Variants in SORCS2 observed in about 807,000 individuals in gnomAD.
SORCS2 encodes sortilin related VPS10 domain containing receptor 2.
SORCS2 carries 100 observed loss-of-function variants against 141.6 expected under a neutral mutation model. The observed-to-expected ratio is 0.71, with a 90% CI of 0.60 to 0.83. The LOEUF (loss-of-function observed/expected upper bound fraction) is 0.83, where lower values mean the gene tolerates loss of function less well. Among genes scored for constraint, SORCS2 ranks in the 40% least tolerant of loss-of-function variants. SORCS2 has a pLI of 0.00. For missense variants in SORCS2, 1,646 were observed against 1,560.2 expected (o/e 1.05, Z -0.93); for synonymous variants, 789 against 676.9 (o/e 1.17, Z -2.57).
At chr4:7,666,641 G>T (rs1722520711) in intron 7 of SORCS2, among the ~76,000 whole-genome samples, 1 of 152,176 alleles carries the variant, frequency 6.6e-6, no homozygotes, top group Non-Finnish European at 1.5e-5. Flanking sequence ...CCACAGTCCT[G>T]TCCTGACGGG....
intron 1 of SORCS2, among the ~76,000 whole-genome samples, chr4:7,222,688 G>C (rs940895496): frequency 5.3e-5 from 8 of 152,152 alleles, no homozygotes; most frequent in African/African-American, 1.9e-4. Flanking sequence ...GGGAGGCCAC[G>C]TGCTGTGGTC....
At chr4:7,739,553 G>A (rs1007594398) in intron 26 of SORCS2, among the ~76,000 whole-genome samples, 8 of 152,176 alleles carry the variant, frequency 5.3e-5, no homozygotes, top group Admixed American at 3.9e-4. Context: ...TCCTTTGAGG[G>A]GTGCGGTTGA....
At chr4:7,240,732 G>T (rs1712636885) in intron 1 of SORCS2, among the ~76,000 whole-genome samples, 2 of 152,148 alleles carry the variant, frequency 1.3e-5, no homozygotes, top group South Asian at 4.1e-4. Flanking sequence ...ACCTCCCCCT[G>T]AAGGGGCAGT....
At chr4:7,534,606 G>T (rs1238123798) in intron 3 of SORCS2, among the ~76,000 whole-genome samples, 2 of 152,350 alleles carry the variant, frequency 1.3e-5, no homozygotes, top group South Asian at 2.1e-4. Context: ...GTCATCACAG[G>T]GTCCTTGTGG....
At chr4:7,456,127 T>C (rs1423433229) in intron 2 of SORCS2, among the ~76,000 whole-genome samples, 1 of 152,086 alleles carries the variant, frequency 6.6e-6, no homozygotes, top group African/African-American at 2.4e-5. Flanking sequence ...GATCTCCTCT[T>C]CTTATAAGGA....
At chr4:7,481,431 G>A (rs1191149407) in intron 2 of SORCS2, among the ~76,000 whole-genome samples, 5 of 152,194 alleles carry the variant, frequency 3.3e-5, no homozygotes, top group South Asian at 2.1e-4. Context: ...GCCTCTAGGC[G>A]GAGGTCGGCC....
At chr4:7,634,340 T>A (rs1720093877) in intron 3 of SORCS2, among the ~76,000 whole-genome samples, 2 of 149,272 alleles carry the variant, frequency 1.3e-5, no homozygotes, top group Non-Finnish European at 3.0e-5. Flanking sequence ...GCCGCTGCAC[T>A]CCAGCCTGAA....
At chr4:7,447,210 G>C (rs1577577362) in intron 2 of SORCS2, among the ~76,000 whole-genome samples, 1 of 152,212 alleles carries the variant, frequency 6.6e-6, no homozygotes, top group Admixed American at 6.5e-5. Context: ...ACTCCCTGCA[G>C]GGAGGTTACT....
At chr4:7,315,216 C>A (rs978801890) in intron 1 of SORCS2, among the ~76,000 whole-genome samples, 2 of 152,202 alleles carry the variant, frequency 1.3e-5, no homozygotes, top group Non-Finnish European at 2.9e-5. Context: ...TCCAAACCAG[C>A]CTCTGCAGCC....
intron 4 of SORCS2, among the ~76,000 whole-genome samples, chr4:7,653,167 G>A (rs1430104257): frequency 1.3e-5 from 2 of 152,228 alleles, no homozygotes; most frequent in East Asian, 1.9e-4. Flanking sequence ...GCACAGGGCT[G>A]GAGAGGGAGC....
intron 8 of SORCS2, 123 bp downstream of exon 8, chr4:7,667,336 T>G: frequency 1.2e-6 from 1 of 848,184 alleles, no homozygotes; most frequent in Non-Finnish European, 1.9e-6. Flanking sequence ...AAGAACAGTG[T>G]GGCCACGCTT....
chr4:7,219,112 CTGCT>C (rs1238755172), intron 1 of SORCS2, among the ~76,000 whole-genome samples: 1 of 151,896 alleles, frequency 6.6e-6, no homozygotes, highest in African/African-American at 2.4e-5. Context: ...CCTATGCCTC[CTGCT>C]TGTTTCCTTA....
intron 3 of SORCS2, among the ~76,000 whole-genome samples, chr4:7,606,195 C>G (rs548907718): frequency 6.6e-6 from 1 of 152,266 alleles, no homozygotes; most frequent in Non-Finnish European, 1.5e-5. Flanking sequence ...CCTGACAACT[C>G]TTTGAAGGTG....
chr4:7,514,353 A>C (rs1226946800), intron 2 of SORCS2, among the ~76,000 whole-genome samples: 2 of 152,122 alleles, frequency 1.3e-5, no homozygotes, highest in African/African-American at 4.8e-5. Flanking sequence ...GGGCGGGAAG[A>C]GGCTGCTGCT....
At position 7,543,719 on chromosome 4, in the gene SORCS2, C is replaced by CCAT. The variant is rs1712938069; in HGVS notation, c.648+12091_648+12092insATC. 1.3e-3 allele frequency among the ~76,000 whole-genome samples: 6 copies of CCAT among 4,742 alleles called. No individual in the cohort carries two copies. In the East Asian group the frequency reaches 0.071, roughly 56 times the overall value. The allele number at this position is 4,742 out of a possible 152,430, so 3.1% of individuals were successfully genotyped here. On this transcript the variant is annotated intron_variant, in intron 3 of 26. Coordinates refer to ENST00000507866, the MANE Select transcript of SORCS2 (RefSeq NM_020777.3). ...ACCCATCCATCCATCCACCCATCCA[C>CCAT]CCATCCACCCATCCACCCATCCACC...
chr4:7,361,989 C>T (rs1721611749), intron 1 of SORCS2, among the ~76,000 whole-genome samples: 2 of 152,060 alleles, frequency 1.3e-5, no homozygotes, highest in Admixed American at 1.3e-4. Flanking sequence ...AGTCTATTCT[C>T]ATGTTTGAGA....
At chr4:7,195,046 G>T (rs1384572824) in intron 1 of SORCS2, among the ~76,000 whole-genome samples, 2 of 152,110 alleles carry the variant, frequency 1.3e-5, no homozygotes, top group East Asian at 3.9e-4. Flanking sequence ...GCTTGGGCCA[G>T]CAGGGATGGG....
At chr4:7,651,588 G>T (rs1334772860) in intron 4 of SORCS2, among the ~76,000 whole-genome samples, 1 of 152,226 alleles carries the variant, frequency 6.6e-6, no homozygotes, top group Non-Finnish European at 1.5e-5. Flanking sequence ...AAGAGACCTA[G>T]AAACAGCGAA....
At chr4:7,424,687 T>C (rs1168877494) in intron 2 of SORCS2, among the ~76,000 whole-genome samples, 1 of 152,188 alleles carries the variant, frequency 6.6e-6, no homozygotes, top group Non-Finnish European at 1.5e-5. Flanking sequence ...CCAGAGTCCC[T>C]GTGCCGGGGC....
Sources: allele counts gnomAD v4.1 joint callset (sites outside exome capture counted in the v4.1 genomes callset), GRCh38; gene constraint gnomAD v4.1.1; transcripts MANE v1.5; gene names NCBI Gene and HGNC (gene_info 2026-07-23, HGNC 2026-07-21).